Variants in PTPRD observed in about 807,000 individuals in gnomAD.
PTPRD encodes the protein protein tyrosine phosphatase receptor type D, also known as receptor-type tyrosine-protein phosphatase delta.
PTPRD carries 34 observed loss-of-function variants against 214.5 expected under a neutral mutation model. The ratio of observed to expected loss-of-function variants is 0.16; its 90% CI spans 0.12 to 0.21. The LOEUF (loss-of-function observed/expected upper bound fraction) is 0.21. PTPRD is among the 10% of genes least tolerant of loss of function. The pLI, the probability that PTPRD is intolerant of heterozygous loss-of-function variation, is 1.00. For missense variants in PTPRD, 2,545 were observed against 2,398.7 expected, an observed-to-expected ratio of 1.06 and a Z score of -1.27; for synonymous variants, 1,128 against 845.7, an observed-to-expected ratio of 1.33 and a Z score of -5.79.
intron 9 of PTPRD, among the ~76,000 whole-genome samples, chr9:9,230,879 C>T (rs921501960): frequency 6.6e-6 from 1 of 152,086 alleles, no homozygotes; most frequent in Non-Finnish European, 1.5e-5. Context: ...TTAAAAACAA[C>T]CCACTGCCAA....
chr9:8,557,755 A>G (rs1316938813), intron 14 of PTPRD, among the ~76,000 whole-genome samples: 2 of 133,578 alleles, frequency 1.5e-5, no homozygotes, highest in Non-Finnish European at 3.0e-5. Context: ...TAAAAAAAAA[A>G]AAAAAAAAAA....
intron 2 of PTPRD, among the ~76,000 whole-genome samples, chr9:10,581,266 A>G (rs1166276550): frequency 6.6e-6 from 1 of 152,220 alleles, no homozygotes; most frequent in Non-Finnish European, 1.5e-5. Context: ...AAGTCTCAAA[A>G]CAACTGTCAA....
chr9:9,137,199 G>A (rs1274267878), intron 10 of PTPRD, among the ~76,000 whole-genome samples: 9 of 152,122 alleles, frequency 5.9e-5, no homozygotes. Context: ...TATAATAGCT[G>A]CATTTCAGCT....
chr9:8,621,406 T>C (rs1362221912), intron 14 of PTPRD, among the ~76,000 whole-genome samples: 2 of 151,988 alleles, frequency 1.3e-5, no homozygotes, highest in Admixed American at 6.6e-5. Flanking sequence ...ATTTGTTTGT[T>C]TTTAAATAAT....
chr9:10,607,933 G>A (rs948307546), intron 2 of PTPRD, among the ~76,000 whole-genome samples: 18 of 151,838 alleles, frequency 1.2e-4, no homozygotes, highest in African/African-American at 4.4e-4. Context: ...ATTATTGTCT[G>A]TGTATTTACT....
At chr9:9,005,395 TAATA>T (rs2099457278) in intron 11 of PTPRD, among the ~76,000 whole-genome samples, 1 of 146,232 alleles carries the variant, frequency 6.8e-6, no homozygotes, top group African/African-American at 2.4e-5. Flanking sequence ...ATGAGATGCC[TAATA>T]AATAATGACT....
Position 9,229,083 on chromosome 9 carries a change from T to C in PTPRD, c.-202-45720A>G, listed in dbSNP as rs186324743. Among the ~76,000 whole-genome samples the C allele has an allele frequency of 1.5e-3, 230 of 152,298 alleles. 2 individuals are homozygous for C. The highest frequency in any genetic ancestry group is 5.3e-3 in the African/African-American group (220 of 41,578). On this transcript the variant is annotated intron_variant, in intron 9 of 45. Transcript: ENST00000381196. ...AAAAGTTTGTATGTGTTGACCTTTT[T>C]GTTTCCCTGTAACATTCATATCTCA...
intron 9 of PTPRD, among the ~76,000 whole-genome samples, chr9:9,270,857 A>G (rs1327162251): frequency 6.6e-6 from 1 of 151,330 alleles, no homozygotes; most frequent in African/African-American, 2.4e-5. Flanking sequence ...GAACCAATAG[A>G]ACTCATTAAT....
chr9:10,572,178 G>C lies in PTPRD; in HGVS notation c.-600+40220C>G, dbSNP rs185434743. ...AGAACTCATGTACCTGCATAGTAAA[G>C]TATAGAATTTTTGGAAAATCATTAA... is the stretch of plus-strand genomic sequence containing the variant. On this transcript the variant is annotated intron_variant, in intron 2 of 45. Transcript: ENST00000381196. Among the ~76,000 whole-genome samples, 250 of 152,236 alleles carry C rather than the reference G, an allele frequency of 1.6e-3. 2 individuals carry two copies. Among genetic ancestry groups the C allele is most frequent in the African/African-American group, 5.8e-3 (239 of 41,544 alleles).
chr9:10,569,505 GTCTCTC>G (rs141331871), intron 2 of PTPRD, among the ~76,000 whole-genome samples: 109 of 143,370 alleles, frequency 7.6e-4, no homozygotes, highest in African/African-American at 2.5e-3. Context: ...GTATATGCAT[GTCTCTC>G]TCTCTCTCTC....
intron 5 of PTPRD, among the ~76,000 whole-genome samples, chr9:9,802,567 G>C (rs778000983): frequency 1.3e-5 from 2 of 151,670 alleles, no homozygotes; most frequent in African/African-American, 2.4e-5. Context: ...TCTTATAAAT[G>C]TATGTTTGGA....
intron 7 of PTPRD, among the ~76,000 whole-genome samples, chr9:9,575,779 GAAAA>G (rs145091510): frequency 0.37 from 37,327 of 101,144 alleles, 5,327 homozygotes; most frequent in Non-Finnish European, 0.42. Context: ...GAAAAAGAAA[GAAAA>G]AGAAAAAAAA....
intron 2 of PTPRD, among the ~76,000 whole-genome samples, chr9:10,378,996 T>G (rs1320962554): frequency 6.6e-6 from 1 of 151,918 alleles, no homozygotes; most frequent in African/African-American, 2.4e-5. Context: ...TTTCTTTCCT[T>G]GATGTTTTAT....
chr9:8,834,283 A>G (rs2097364498), intron 11 of PTPRD, among the ~76,000 whole-genome samples: 1 of 152,130 alleles, frequency 6.6e-6, no homozygotes, highest in Non-Finnish European at 1.5e-5. Flanking sequence ...TTTAAAACCT[A>G]GGTATTAAAA....
intron 11 of PTPRD, among the ~76,000 whole-genome samples, chr9:8,967,907 C>T (rs918319875): frequency 2.0e-5 from 3 of 152,108 alleles, no homozygotes; most frequent in Non-Finnish European, 4.4e-5. Flanking sequence ...TCCTCCCTCC[C>T]TCCACCCCAC....
intron 5 of PTPRD, among the ~76,000 whole-genome samples, chr9:9,905,470 C>T (rs976093065): frequency 3.3e-5 from 5 of 151,858 alleles, no homozygotes; most frequent in Admixed American, 2.0e-4. Flanking sequence ...TGGCTACATA[C>T]AAAAACTTGG....
intron 11 of PTPRD, among the ~76,000 whole-genome samples, chr9:8,875,636 G>C (rs554024349): frequency 1.3e-5 from 2 of 151,588 alleles, no homozygotes; most frequent in African/African-American, 4.8e-5. Flanking sequence ...AAGATAAGCA[G>C]ATTTAGTTGT....
chr9:10,433,970 T>C (rs1373835079), intron 2 of PTPRD, among the ~76,000 whole-genome samples: 2 of 151,920 alleles, frequency 1.3e-5, no homozygotes, highest in Non-Finnish European at 2.9e-5. Flanking sequence ...CAAAAAGTGT[T>C]ATTAATTCCA....
chr9:9,424,354 T>C (rs141651551), intron 8 of PTPRD, among the ~76,000 whole-genome samples: 11 of 152,324 alleles, frequency 7.2e-5, no homozygotes, highest in Non-Finnish European at 1.5e-4. Flanking sequence ...AAGCAAACAC[T>C]AAAATGGGAT....
Sources: allele counts gnomAD v4.1 joint callset (sites outside exome capture counted in the v4.1 genomes callset), GRCh38; gene constraint gnomAD v4.1.1; transcripts MANE v1.5; gene names NCBI Gene and HGNC (gene_info 2026-07-23, HGNC 2026-07-21).